Variants in FPGS observed in about 807,000 individuals in gnomAD.
FPGS encodes the protein folylpolyglutamate synthase, mitochondrial.
FPGS carries 53 observed loss-of-function variants against 66.5 expected under a neutral mutation model. That is an observed-to-expected ratio of 0.80 (90% confidence interval 0.64 to 1.00). The LOEUF (loss-of-function observed/expected upper bound fraction) is 1.00, where lower values mean the gene tolerates loss of function less well. Among genes scored for constraint, FPGS ranks in the 50% least tolerant of loss-of-function variants. The probability of loss-of-function intolerance (pLI) is 0.00; values close to 1 mark genes in which losing one functional copy is unlikely to be tolerated. For synonymous variants in FPGS, 348 were observed against 350.9 expected (o/e 0.99, Z 0.09); for missense variants, 702 against 807.7 (o/e 0.87, Z 1.59).
intron 11 of FPGS, 62 bp from the exon 12 acceptor site, chr9:127,809,622 G>A: frequency 6.8e-7 from 1 of 1,479,934 alleles, no homozygotes; most frequent in East Asian, 2.6e-5. Flanking sequence ...AGGAGTGTGT[G>A]TGCGGAATTG....
intron 11 of FPGS, among the ~76,000 whole-genome samples, chr9:127,809,115 G>A (rs1257921866): frequency 6.6e-6 from 1 of 152,162 alleles, no homozygotes; most frequent in African/African-American, 2.4e-5. Flanking sequence ...AGGAGCCACT[G>A]CCACGGGCTG....
intron 4 of FPGS, among the ~76,000 whole-genome samples, chr9:127,805,131 C>T (rs1046140569): frequency 1.4e-4 from 21 of 151,958 alleles, no homozygotes; most frequent in African/African-American, 4.6e-4. Flanking sequence ...TCAAGTGATC[C>T]GCCCACCTCG....
chr9:127,809,859 G>A, intron 12 of FPGS, 25 bp downstream of exon 12: 1 of 1,241,418 alleles, frequency 8.1e-7, no homozygotes, highest in Non-Finnish European at 1.1e-6. Flanking sequence ...TGGGGGTGGG[G>A]CCGGGGCTGG....
chr9:127,813,000 G>A (rs1389726554), intron 14 of FPGS, among the ~76,000 whole-genome samples, 195 bp from the exon 15 acceptor site: 1 of 152,190 alleles, frequency 6.6e-6, no homozygotes, highest in Non-Finnish European at 1.5e-5. Flanking sequence ...CGTGACCTTG[G>A]TGAAGTCACT....
rs1830188566 is a variant in FPGS at position 127,813,683 on chromosome 9, T to C, written c.*79T>C. ...ATGAACTTACATACTAGGTGCCTTT[T>C]GTTTTTGGCTTTCCTGGTTCTGTCT... On this transcript the variant is annotated 3_prime_UTR_variant, in exon 15 of 15. Transcript: ENST00000373247. 6.9e-7 allele frequency: 1 copy of C among 1,443,198 alleles called. No individual in the cohort carries two copies. Among genetic ancestry groups the C allele is most frequent in the Non-Finnish European group, 9.1e-7 (1 of 1,098,512 alleles). 89.4% of individuals were successfully genotyped at this position (1,443,198 alleles called of 1,614,324 possible). A position where few individuals can be genotyped will look rare whatever the true frequency, so the allele number is the denominator to read the frequency against.
chr9:127,813,209 A>G lies in FPGS; in HGVS notation c.1369A>G (p.Thr457Ala). Reference sequence around the variant, plus strand: ...GTGCCCCACAGACCAACAGAACTTCACAGTGACACTGGACCAGGTCCTGCT... The same window carrying G: ...GTGCCCCACAGACCAACAGAACTTCGCAGTGACACTGGACCAGGTCCTGCT... ...STGNADQQNF[T>A]VTLDQVLLRC... is the part of the protein sequence containing the mutation. Residue 457 changes from threonine to alanine, a missense_variant, in exon 15 of 15, where the codon ACA (threonine) becomes GCA (alanine). Thr to Ala is a moderately conservative substitution (Grantham distance 58). Transcript: ENST00000373247. The G allele has an allele frequency of 6.3e-7, 1 of 1,583,484 alleles. No homozygotes were observed. The highest frequency in any genetic ancestry group is 8.6e-7 in the Non-Finnish European group (1 of 1,161,796).
Position 127,804,571 on chromosome 9 carries a change from G to A in FPGS, c.321+19G>A, listed in dbSNP as rs533962712. 6.2e-7 allele frequency: 1 copy of A among 1,614,190 alleles called. No homozygotes were observed. The highest frequency in any genetic ancestry group is 8.5e-7 in the Non-Finnish European group (1 of 1,180,008). ...GGGGAAGGTGAGGGGCAGGACCCTG[G>A]GGTAGGGGGTCTATTAAGTGGCTGG... On this transcript the variant is annotated intron_variant, in intron 3 of 14. Coordinates refer to ENST00000373247, the MANE Select transcript of FPGS (RefSeq NM_004957.6).
Position 127,810,986 on chromosome 9 carries a change from A to G in FPGS, c.1329A>G (p.Thr443=), listed in dbSNP as rs367789087. 28 of 1,590,658 alleles carry G rather than the reference A, an allele frequency of 1.8e-5. No individual in the cohort carries two copies. The highest frequency in any genetic ancestry group is 2.2e-5 in the Non-Finnish European group (26 of 1,167,124). ...ATGCCGTCTTCTGCCCTAACCTGAC[A>G]GAGGTGTCATCCACAGGCAACGCAG... is the stretch of plus-strand genomic sequence containing the variant. The part of the protein sequence containing the change: ...FDYAVFCPNL[T]EVSSTGNADQ... The change falls in exon 14 of 15, where the codon ACA becomes ACG. Residue 443 remains threonine (T), a synonymous_variant. Transcript: ENST00000373247.
In FPGS at chr9:127,809,743, T is replaced by C; in HGVS notation, c.1120T>C (p.Trp374Arg). ...GGTGCTGCGGCGCGGGCCCCTCACC[T>C]GGTACCTGGACGGTGCGCACACCGC... The part of the protein sequence containing the change: ...TQVLRRGPLT[W>R]YLDGAHTASS... The change falls in exon 12 of 15, where the codon TGG becomes CGG. Residue 374 changes from tryptophan (W) to arginine (R), a missense_variant. Transcript: ENST00000373247. 6.3e-7 allele frequency: 1 copy of C among 1,584,716 alleles called. No homozygotes were observed. The highest frequency in any genetic ancestry group is 8.5e-7 in the Non-Finnish European group (1 of 1,174,150).
Position 127,803,533 on chromosome 9 carries a change from A to G in FPGS, c.138+471A>G, listed in dbSNP as rs1829691353. The G allele has an allele frequency of 6.0e-6, 3 of 502,890 alleles. No individual in the cohort carries two copies. In the South Asian group the frequency reaches 2.6e-4, roughly 43 times the overall value. 31.2% of individuals were successfully genotyped at this position (502,890 alleles called of 1,614,324 possible). ...TGGGGGAGAGGCAGGAATCAGGGGT[A>G]GTGGAGGGCCCCAGAACCTGGAAAA... On this transcript the variant is annotated intron_variant, in intron 1 of 14. Coordinates refer to ENST00000373247, the MANE Select transcript of FPGS (RefSeq NM_004957.6).
At chr9:127,804,811 C>A in intron 4 of FPGS, 111 bp downstream of exon 4, 1 of 950,430 alleles carries the variant, frequency 1.1e-6, no homozygotes, top group Non-Finnish European at 1.7e-6. Context: ...AGCTGCATGT[C>A]TCTCTGCCCA....
At chr9:127,811,944 G>C (rs1830097581) in intron 14 of FPGS, among the ~76,000 whole-genome samples, 1 of 152,016 alleles carries the variant, frequency 6.6e-6, no homozygotes, top group African/African-American at 2.4e-5. Flanking sequence ...TTTTTACCAT[G>C]TATCATGTTA....
At position 127,802,988 on chromosome 9, in the gene FPGS, A is replaced by G. The variant is rs10760502; in HGVS notation, c.64A>G (p.Ile22Val). The G allele has an allele frequency of 0.67, 976,949 of 1,461,332 alleles. 331,092 individuals carry two copies. The highest frequency in any genetic ancestry group is 0.97 in the East Asian group (32,690 of 33,712). The allele number at this position is 1,461,332 out of a possible 1,614,324, so 90.5% of individuals were successfully genotyped here. ...LFLAAASARG[I>V]TTQVAARRGL... Reference sequence around the variant, plus strand: ...CCTGGCAGCGGCGTCTGCGCGCGGCATAACGACCCAGGTCGCGGCGCGGCG... The same window carrying G: ...CCTGGCAGCGGCGTCTGCGCGCGGCGTAACGACCCAGGTCGCGGCGCGGCG... Residue 22 changes from isoleucine (I) to valine (V), a missense_variant, in exon 1 of 15, where the codon ATA (isoleucine) becomes GTA (valine). Ile to Val is a conservative substitution (Grantham distance 29). Coordinates refer to ENST00000373247, the MANE Select transcript of FPGS (RefSeq NM_004957.6).
chr9:127,813,404 C>T lies in FPGS; in HGVS notation c.1564C>T (p.His522Tyr). Residue 522 changes from histidine (H) to tyrosine (Y), a missense_variant, in exon 15 of 15, where the codon CAT becomes TAT. This residue lies in a region of FPGS where 351 missense variants were observed against 363.7 expected (regional missense o/e 0.97). Coordinates refer to ENST00000373247, the MANE Select transcript of FPGS (RefSeq NM_004957.6). ...CTCCCTCGTCTTCAGCTGCATTTCACATGCCTTGCAATGGATCAGCCAAGG... is the reference window on the plus strand; with the variant it reads ...CTCCCTCGTCTTCAGCTGCATTTCATATGCCTTGCAATGGATCAGCCAAGG... The part of the protein sequence containing the change: ...ASSLVFSCIS[H>Y]ALQWISQGRD... 6.2e-7 allele frequency: 1 copy of T among 1,609,530 alleles called. No homozygotes were observed. The highest frequency in any genetic ancestry group is 8.5e-7 in the Non-Finnish European group (1 of 1,177,264).
rs769483536 is a variant in FPGS, at chr9:127,813,470, C to G, written c.1630C>G (p.Leu544Val). 5 of 1,613,112 alleles carry G rather than the reference C, an allele frequency of 3.1e-6. 1 individual carries two copies. In the South Asian group the frequency reaches 5.5e-5, roughly 18 times the overall value. Residue 544 changes from leucine (L) to valine (V), a missense_variant, in exon 15 of 15, where the codon CTC becomes GTC. By Grantham distance (32) the Leu-to-Val change is conservative (BLOSUM62 1). Around this residue, in one of 3 missense-constraint regions of FPGS, gnomAD observed 351 missense variants for 363.7 expected, o/e 0.97. Transcript: ENST00000373247. Reference sequence around the variant, plus strand: ...CCAGCCACCTAGTCCCCCAAAGGGCCTCCTCACCCACCCTGTGGCTCACAG... The same window carrying G: ...CCAGCCACCTAGTCCCCCAAAGGGCGTCCTCACCCACCCTGTGGCTCACAG... ...IFQPPSPPKG[L>V]LTHPVAHSGA...
rs1274606843 is a variant in FPGS at position 127,811,011 on chromosome 9, G to A, written c.1354G>A (p.Asp452Asn). The part of the protein sequence containing the change: ...LTEVSSTGNA[D>N]QQNFTVTLDQ... ...AGAGGTGTCATCCACAGGCAACGCA[G>A]GTGAGAGGTGACAGGCATGGCCCCT... The change falls in exon 14 of 15, where the codon GAC becomes AAC. Residue 452 changes from aspartate to asparagine, a missense_variant and splice_region_variant. Physicochemically the swap from Asp to Asn is conservative, Grantham distance 23 (BLOSUM62 1). This residue lies in a region of FPGS where 351 missense variants were observed against 363.7 expected (regional missense o/e 0.97). Coordinates refer to ENST00000373247, the MANE Select transcript of FPGS (RefSeq NM_004957.6). The A allele has an allele frequency of 1.9e-6, 3 of 1,582,030 alleles. No homozygotes were observed. Among genetic ancestry groups the A allele is most frequent in the Non-Finnish European group, 1.7e-6 (2 of 1,160,376 alleles).
Position 127,803,077 on chromosome 9 carries a change from A to G in FPGS, c.138+15A>G, listed in dbSNP as rs1041719551. ...TGGAGTACCAGGTATCAGGCGGGCC[A>G]GCGGGCCAGCGGGCCTGGGCGCGAC... On this transcript the variant is annotated intron_variant, in intron 1 of 14. Transcript: ENST00000373247. 5.1e-6 allele frequency: 7 copies of G among 1,373,192 alleles called. No homozygotes were observed. In the East Asian group the frequency reaches 9.2e-5, roughly 18 times the overall value. 85.1% of individuals were successfully genotyped at this position (1,373,192 alleles called of 1,614,324 possible).
At position 127,813,759 on chromosome 9, in the gene FPGS, CTT is replaced by C. The variant is rs1168520194; in HGVS notation, c.*160_*161del. On this transcript the variant is annotated 3_prime_UTR_variant, in exon 15 of 15. Coordinates refer to ENST00000373247, the MANE Select transcript of FPGS (RefSeq NM_004957.6). ...GGGATGGGAGGCCGGGAGAGGATGT[CTT>C]TTTTAAGGCTCTGTGCCTTGGTCTC... is the stretch of plus-strand genomic sequence containing the variant. 1 of 1,317,354 alleles carries C rather than the reference CTT, an allele frequency of 7.6e-7. No homozygotes were observed. The highest frequency in any genetic ancestry group is 9.6e-7 in the Non-Finnish European group (1 of 1,040,254). The allele number at this position is 1,317,354 out of a possible 1,614,324, so 81.6% of individuals were successfully genotyped here.
intron 4 of FPGS, among the ~76,000 whole-genome samples, chr9:127,805,861 A>C (rs1829786266): frequency 6.6e-6 from 1 of 152,132 alleles, no homozygotes; most frequent in Admixed American, 6.5e-5. Flanking sequence ...GACTTACACA[A>C]GAGGATGGCC....
Sources: allele counts gnomAD v4.1 joint callset (sites outside exome capture counted in the v4.1 genomes callset), GRCh38; gene constraint gnomAD v4.1.1; regional missense constraint gnomAD v4.1.1; transcripts MANE v1.5; gene names NCBI Gene and HGNC (gene_info 2026-07-23, HGNC 2026-07-21).